ALOX12B: variants seen among roughly 807,000 people sequenced by gnomAD.
The protein encoded by ALOX12B is arachidonate 12-lipoxygenase, 12R-type.
A neutral mutation model predicts 78.9 loss-of-function variants in ALOX12B; 47 were observed. That is an observed-to-expected ratio of 0.60 (90% confidence interval 0.47 to 0.76). The LOEUF (loss-of-function observed/expected upper bound fraction) is 0.76, where lower values mean the gene tolerates loss of function less well. ALOX12B is among the 30% of genes least tolerant of loss of function. ALOX12B has a pLI of 0.00. For missense variants in ALOX12B, 805 were observed against 922.6 expected, an observed-to-expected ratio of 0.87 and a Z score of 1.65; for synonymous variants, 370 against 374.5, an observed-to-expected ratio of 0.99 and a Z score of 0.14.
Position 8,079,723 on chromosome 17 carries a change from G to A in ALOX12B, c.927+46C>T. 6.3e-7 allele frequency: 1 copy of A among 1,588,198 alleles called. No individual in the cohort carries two copies. The highest frequency in any genetic ancestry group is 8.6e-7 in the Non-Finnish European group (1 of 1,168,998). On this transcript the variant is annotated intron_variant, in intron 7 of 14. Coordinates refer to ENST00000647874, the MANE Select transcript of ALOX12B (RefSeq NM_001139.3). This position sits in a 1 kb window ranked among gnomAD's most constrained non-coding sequence, Gnocchi z 6.4. ...TGGGGAGAGACGGGGATGCCCGCGA[G>A]GGAGGCCGGGAGGAGGGCCGGGGTC...
At position 8,072,914 on chromosome 17, in the gene ALOX12B, C is replaced by A; in HGVS notation, c.1963G>T (p.Glu655Ter). 1 of 1,613,852 alleles carries A rather than the reference C, an allele frequency of 6.2e-7. No homozygotes were observed. The highest frequency in any genetic ancestry group is 8.5e-7 in the Non-Finnish European group (1 of 1,179,872). ...LGHFPDIHFV[E>*]EAPRRSIEAF... ...TCTATGCTCCTCCGCGGGGCCTCCT[C>A]CACGAAGTGAATGTCCGGGAAGTGT... The change falls in exon 15 of 15, where the codon GAG (glutamate) becomes TAG (stop). Residue 655 changes from glutamate to a stop codon, truncating the protein, a stop_gained. Coordinates refer to ENST00000647874, the MANE Select transcript of ALOX12B (RefSeq NM_001139.3). LOFTEE classifies it high-confidence loss of function.
chr17:8,075,810 T>C (rs1270743112), intron 11 of ALOX12B, 94 bp from the exon 12 acceptor site: 3 of 1,605,744 alleles, frequency 1.9e-6, no homozygotes, highest in African/African-American at 2.7e-5. Flanking sequence ...CTGACCTCAG[T>C]TGGCCCCAGA....
At position 8,075,674 on chromosome 17, in the gene ALOX12B, T is replaced by C; in HGVS notation, c.1575A>G (p.Ala525=). ...GCAATTCCGGATCACCCTCCACGGC[T>C]GCGTCACTCGGGTAATAATAGGTGA... ...EIITYYYPSD[A]AVEGDPELQS... Residue 525 remains alanine, a synonymous_variant, in exon 12 of 15, where the codon GCA becomes GCG. Coordinates refer to ENST00000647874, the MANE Select transcript of ALOX12B (RefSeq NM_001139.3). 1 of 1,614,152 alleles carries C rather than the reference T, an allele frequency of 6.2e-7. No individual in the cohort carries two copies. Among genetic ancestry groups the C allele is most frequent in the Non-Finnish European group, 8.5e-7 (1 of 1,180,034 alleles).
chr17:8,073,848 T>G, intron 12 of ALOX12B, 91 bp from the exon 13 acceptor site: 1 of 1,075,336 alleles, frequency 9.3e-7, no homozygotes, highest in Non-Finnish European at 1.4e-6. Flanking sequence ...GCTCTCACCG[T>G]TTTGCAAAAG....
At chr17:8,076,792 A>G (rs1381344691) in intron 9 of ALOX12B, 49 bp from the exon 10 acceptor site, 2 of 1,525,238 alleles carry the variant, frequency 1.3e-6, no homozygotes, top group East Asian at 4.9e-5. Context: ...AGTGGCCCCC[A>G]AAGGAGCTCA....
chr17:8,077,993 G>C (rs1480869010), intron 8 of ALOX12B, among the ~76,000 whole-genome samples: 1 of 152,140 alleles, frequency 6.6e-6, no homozygotes, highest in African/African-American at 2.4e-5. Flanking sequence ...TCTACTGAAC[G>C]TGTACAGACT....
At position 8,080,559 on chromosome 17, in the gene ALOX12B, C is replaced by T; in HGVS notation, c.650+99G>A. Reference sequence around the variant, plus strand: ...TTTCAGCTCCCTCTGCCTTCCTGGCCATTCCAACCTCTGGGGCTGTCTTGG... The same window carrying T: ...TTTCAGCTCCCTCTGCCTTCCTGGCTATTCCAACCTCTGGGGCTGTCTTGG... On this transcript the variant is annotated intron_variant, in intron 5 of 14. Coordinates refer to ENST00000647874, the MANE Select transcript of ALOX12B (RefSeq NM_001139.3). This position sits in a 1 kb window ranked among gnomAD's most constrained non-coding sequence, Gnocchi z 4.8. 1 of 1,582,802 alleles carries T rather than the reference C, an allele frequency of 6.3e-7. No individual in the cohort carries two copies. The highest frequency in any genetic ancestry group is 8.6e-7 in the Non-Finnish European group (1 of 1,156,982).
chr17:8,077,265 G>GGA (rs1486179636), intron 8 of ALOX12B, 72 bp from the exon 9 acceptor site: 9 of 1,438,112 alleles, frequency 6.3e-6, no homozygotes, highest in Admixed American at 5.9e-5. Flanking sequence ...ACCGCAGGAA[G>GGA]GAGGCAGAAG....
chr17:8,082,044 T>C (rs1156400294), intron 2 of ALOX12B, among the ~76,000 whole-genome samples: 1 of 152,246 alleles, frequency 6.6e-6, no homozygotes, highest in East Asian at 1.9e-4. Context: ...TCTAGTTCCA[T>C]CCATGTTGCT....
intron 2 of ALOX12B, chr17:8,081,554 T>C (rs1977218453): frequency 2.9e-6 from 1 of 345,286 alleles, no homozygotes; most frequent in East Asian, 7.1e-5. Context: ...TAAAGTATAT[T>C]GTACCCATTA....
intron 1 of ALOX12B, among the ~76,000 whole-genome samples, chr17:8,086,590 C>G (rs1978299351): frequency 6.6e-6 from 1 of 152,212 alleles, no homozygotes; most frequent in Non-Finnish European, 1.5e-5. Context: ...AGCCCCTTCT[C>G]CCATTCATCA....
Position 8,083,710 on chromosome 17 carries a change from C to A in ALOX12B, c.352+2306G>T, listed in dbSNP as rs551297936. ...TGCCACTGCACTCCAGCCTGGGTGA[C>A]GAAGCGAGACTCTGTCTCAAAAGAA... On this transcript the variant is annotated intron_variant, in intron 2 of 14. Coordinates refer to ENST00000647874, the MANE Select transcript of ALOX12B (RefSeq NM_001139.3). Among the ~76,000 whole-genome samples the A allele has an allele frequency of 1.1e-3, 163 of 149,792 alleles. 2 individuals are homozygous for A. The highest frequency in any genetic ancestry group is 3.8e-3 in the African/African-American group (156 of 40,644).
intron 2 of ALOX12B, among the ~76,000 whole-genome samples, chr17:8,085,505 G>A (rs767230281): frequency 2.6e-5 from 4 of 152,190 alleles, no homozygotes; most frequent in Non-Finnish European, 4.4e-5. Context: ...GAGACCTGTT[G>A]AACTCAAAGG....
rs749529952 is a variant in ALOX12B, at chr17:8,080,803, A to C, written c.528-23T>G. The C allele has an allele frequency of 7.4e-6, 12 of 1,613,986 alleles. No homozygotes were observed. In the South Asian group the frequency reaches 7.7e-5, roughly 10 times the overall value. ...CACCTGTGGGGAGAAGCGCAGGGCA[A>C]CTGGGATCCAGGGGGCGGGGAGGAG... is the stretch of plus-strand genomic sequence containing the variant. On this transcript the variant is annotated intron_variant, in intron 4 of 14. Transcript: ENST00000647874. This position sits in a 1 kb window ranked among gnomAD's most constrained non-coding sequence, Gnocchi z 4.8.
chr17:8,079,407 T>A lies in ALOX12B; in HGVS notation c.1060A>T (p.Ile354Phe). 1 of 1,553,068 alleles carries A rather than the reference T, an allele frequency of 6.4e-7. No homozygotes were observed. Among genetic ancestry groups the A allele is most frequent in the Non-Finnish European group, 8.7e-7 (1 of 1,148,198 alleles). ...HFGPEGKMMP[I>F]AIQLSQTPGP... ...TGCAGCCCAGGCACCTGGATGGCGATGGGCATCATCTTGCCCTCGGGTCCA... is the reference window on the plus strand; with the variant it reads ...TGCAGCCCAGGCACCTGGATGGCGAAGGGCATCATCTTGCCCTCGGGTCCA... The change falls in exon 8 of 15, where the codon ATC becomes TTC. Residue 354 changes from isoleucine (I) to phenylalanine (F), a missense_variant. By Grantham distance (21) the Ile-to-Phe change is conservative (BLOSUM62 0). Coordinates refer to ENST00000647874, the MANE Select transcript of ALOX12B (RefSeq NM_001139.3). This position sits in a 1 kb window ranked among gnomAD's most constrained non-coding sequence, Gnocchi z 6.4.
chr17:8,081,640 C>T (rs1432672052), intron 2 of ALOX12B: 1 of 220,864 alleles, frequency 4.5e-6, no homozygotes, highest in African/African-American at 2.3e-5. Flanking sequence ...TTGCTATGTC[C>T]ATGTGTACAC....
chr17:8,087,237 GACACACACACACACACACACAGACAC>G (rs1177916781), intron 1 of ALOX12B, 33 bp downstream of exon 1: 3 of 871,548 alleles, frequency 3.4e-6, no homozygotes, highest in South Asian at 5.4e-5. Context: ...GACACACACA[GACACACACACACACACACACAGACAC>G]ACACACACAC....
At chr17:8,085,566 T>TA (rs1598184053) in intron 2 of ALOX12B, among the ~76,000 whole-genome samples, 1 of 152,162 alleles carries the variant, frequency 6.6e-6, no homozygotes, top group East Asian at 1.9e-4. Flanking sequence ...GGCATCCTGT[T>TA]ATAGTAACAG....
Position 8,080,350 on chromosome 17 carries a change from G to C in ALOX12B, c.651-12C>G, listed in dbSNP as rs919054685. ...TGAAAGCCAGTGCCCTAGGAGATGG[G>C]ATTCCAGGAAGAGGCCTTCAGAGGG... On this transcript the variant is annotated splice_polypyrimidine_tract_variant and intron_variant, in intron 5 of 14. Coordinates refer to ENST00000647874, the MANE Select transcript of ALOX12B (RefSeq NM_001139.3). The surrounding 1 kb of genome is among the most constrained non-coding windows in gnomAD (Gnocchi z 4.8). The C allele has an allele frequency of 6.2e-7, 1 of 1,613,860 alleles. No homozygotes were observed. The highest frequency in any genetic ancestry group is 1.3e-5 in the African/African-American group (1 of 74,938).
Sources: allele counts gnomAD v4.1 joint callset (sites outside exome capture counted in the v4.1 genomes callset), GRCh38; gene constraint gnomAD v4.1.1; non-coding constraint Gnocchi (gnomAD v3.1); transcripts MANE v1.5; gene names NCBI Gene and HGNC (gene_info 2026-07-23, HGNC 2026-07-21).